Variants in TAFA4 observed in about 807,000 individuals in gnomAD.
TAFA4 encodes chemokine-like protein TAFA-4.
In TAFA4, 20 loss-of-function variants were observed where a neutral mutation model predicts 21.1. The observed-to-expected ratio is 0.95, with a 90% CI of 0.67 to 1.38. TAFA4 has a LOEUF of 1.38. TAFA4 is among the 40% of genes most tolerant of loss of function. TAFA4 has a pLI of 0.00. For synonymous variants in TAFA4, 71 were observed against 67.4 expected (o/e 1.05, Z -0.26); for missense variants, 211 against 180.9 (o/e 1.17, Z -0.95).
At chr3:68,902,243 T>C (rs1371119859) in intron 1 of TAFA4, among the ~76,000 whole-genome samples, 1 of 135,742 alleles carries the variant, frequency 7.4e-6, no homozygotes, top group African/African-American at 2.5e-5. Flanking sequence ...TTCCCAAGTC[T>C]GCCCTCTTAA....
chr3:68,868,646 G>T (rs1275639686), intron 3 of TAFA4, among the ~76,000 whole-genome samples: 1 of 151,936 alleles, frequency 6.6e-6, no homozygotes, highest in African/African-American at 2.4e-5. Context: ...GTTCTTAAAT[G>T]ATCAATGGGA....
intron 3 of TAFA4, among the ~76,000 whole-genome samples, chr3:68,854,601 T>G (rs907011369): frequency 6.6e-6 from 1 of 152,008 alleles, no homozygotes. Flanking sequence ...AATATATGGT[T>G]AAAGCCTTAC....
At chr3:68,822,562 C>G (rs1225320654) in intron 3 of TAFA4, among the ~76,000 whole-genome samples, 1 of 152,138 alleles carries the variant, frequency 6.6e-6, no homozygotes. Flanking sequence ...CCTTGACCTC[C>G]CTGGGCTTAA....
At chr3:68,785,965 G>C (rs902330138) in intron 3 of TAFA4, among the ~76,000 whole-genome samples, 3 of 152,168 alleles carry the variant, frequency 2.0e-5, no homozygotes, top group African/African-American at 7.2e-5. Flanking sequence ...CATGTACAAG[G>C]CCGTTCAGTA....
At chr3:68,736,081 A>C (rs1702235903) in intron 5 of TAFA4, among the ~76,000 whole-genome samples, 1 of 152,140 alleles carries the variant, frequency 6.6e-6, no homozygotes, top group Non-Finnish European at 1.5e-5. Flanking sequence ...AGAACATTAA[A>C]AAGTCTAAAA....
intron 1 of TAFA4, among the ~76,000 whole-genome samples, chr3:68,928,428 A>G (rs1405976544): frequency 2.0e-5 from 3 of 152,240 alleles, no homozygotes; most frequent in Non-Finnish European, 2.9e-5. Context: ...ATCACTTAAT[A>G]GATTGATATT....
intron 1 of TAFA4, among the ~76,000 whole-genome samples, chr3:68,924,589 G>A (rs1027428341): frequency 2.6e-5 from 4 of 152,112 alleles, no homozygotes; most frequent in Non-Finnish European, 4.4e-5. Context: ...TGTACTTAAC[G>A]CCACTGAAAT....
At chr3:68,879,130 A>G (rs994441012) in intron 3 of TAFA4, among the ~76,000 whole-genome samples, 7 of 152,186 alleles carry the variant, frequency 4.6e-5, no homozygotes, top group Non-Finnish European at 7.3e-5. Context: ...AGCACTAACC[A>G]TGAAGCCCAT....
At chr3:68,810,336 G>C (rs1476041921) in intron 3 of TAFA4, among the ~76,000 whole-genome samples, 2 of 152,140 alleles carry the variant, frequency 1.3e-5, no homozygotes, top group East Asian at 3.9e-4. Flanking sequence ...CAAGACAGTG[G>C]ATGCAGCGCA....
intron 3 of TAFA4, among the ~76,000 whole-genome samples, chr3:68,871,421 A>T (rs2089481853): frequency 6.6e-6 from 1 of 152,136 alleles, no homozygotes; most frequent in Admixed American, 6.6e-5. Flanking sequence ...TATATACAAA[A>T]ATCAAATCAA....
At chr3:68,870,251 T>C (rs1448615658) in intron 3 of TAFA4, among the ~76,000 whole-genome samples, 1 of 152,084 alleles carries the variant, frequency 6.6e-6, no homozygotes, top group Non-Finnish European at 1.5e-5. Flanking sequence ...GAAGAATTAA[T>C]ATTGTTAAAA....
intron 2 of TAFA4, among the ~76,000 whole-genome samples, chr3:68,883,259 C>T (rs1320232584): frequency 2.6e-5 from 4 of 152,174 alleles, no homozygotes; most frequent in Non-Finnish European, 5.9e-5. Context: ...CTGTATTCCC[C>T]GTATTCTTGC....
intron 3 of TAFA4, among the ~76,000 whole-genome samples, chr3:68,779,588 T>A (rs1451490089): frequency 6.6e-6 from 1 of 152,206 alleles, no homozygotes; most frequent in Non-Finnish European, 1.5e-5. Context: ...GCTGGGCTGT[T>A]GCTTCAGAGG....
intron 5 of TAFA4, among the ~76,000 whole-genome samples, chr3:68,735,544 A>C (rs1575588512): frequency 6.6e-6 from 1 of 152,106 alleles, no homozygotes; most frequent in Admixed American, 6.6e-5. Context: ...CTAGAGGTAG[A>C]GTTCAAAACT....
chr3:68,873,294 AACAGAC>A (rs2089507714), intron 3 of TAFA4, among the ~76,000 whole-genome samples: 1 of 149,276 alleles, frequency 6.7e-6, no homozygotes, highest in Admixed American at 6.7e-5. Context: ...GACAAATAGA[AACAGAC>A]ACAGACACAC....
At chr3:68,808,601 C>T (rs1703756318) in intron 3 of TAFA4, among the ~76,000 whole-genome samples, 1 of 152,148 alleles carries the variant, frequency 6.6e-6, no homozygotes, top group Admixed American at 6.5e-5. Flanking sequence ...TTCCCCATGA[C>T]AAATTCCATT....
intron 3 of TAFA4, among the ~76,000 whole-genome samples, chr3:68,811,534 C>A (rs1484483389): frequency 6.6e-6 from 1 of 152,078 alleles, no homozygotes; most frequent in Non-Finnish European, 1.5e-5. Context: ...AATGCACAAG[C>A]CTTAGTAGCC....
chr3:68,832,707 G>T (rs535595534), intron 3 of TAFA4, among the ~76,000 whole-genome samples: 126 of 152,336 alleles, frequency 8.3e-4, no homozygotes, highest in African/African-American at 3.0e-3. Flanking sequence ...GAGAAACACT[G>T]CTCTCTTCAG....
chr3:68,818,097 A>G (rs1487808138), intron 3 of TAFA4, among the ~76,000 whole-genome samples: 6 of 152,324 alleles, frequency 3.9e-5, no homozygotes, highest in Middle Eastern at 3.4e-3. Context: ...ACTTTCATCA[A>G]TGATCTTAGC....
Sources: gnomAD v4.1 joint callset for allele counts (sites outside exome capture counted in the v4.1 genomes callset) on GRCh38, gnomAD v4.1.1 for gene constraint, MANE v1.5 for transcripts, NCBI Gene and HGNC (gene_info 2026-07-23, HGNC 2026-07-21) for gene names.